Variants in PCDH15 observed in about 807,000 individuals in gnomAD.
PCDH15 encodes protocadherin-15.
A neutral mutation model predicts 178.5 loss-of-function variants in PCDH15; 129 were observed. The observed-to-expected ratio is 0.72, with a 90% CI of 0.63 to 0.84. PCDH15 has a LOEUF of 0.84. Among genes scored for constraint, PCDH15 ranks in the 40% least tolerant of loss-of-function variants. PCDH15 has a pLI of 0.00. For missense variants in PCDH15, 2,230 were observed against 2,099.9 expected (o/e 1.06, Z -1.21); for synonymous variants, 800 against 732.0 (o/e 1.09, Z -1.50).
chr10:54,897,917 G>T (rs1486388238), intron 2 of PCDH15, among the ~76,000 whole-genome samples: 1 of 152,082 alleles, frequency 6.6e-6, no homozygotes, highest in Non-Finnish European at 1.5e-5. Flanking sequence ...TTACACCTGG[G>T]TATTAAAACA....
intron 1 of PCDH15, among the ~76,000 whole-genome samples, chr10:54,754,064 G>C (rs1165320546): frequency 6.6e-6 from 1 of 151,194 alleles, no homozygotes; most frequent in East Asian, 1.9e-4. Context: ...TCCTGACCTC[G>C]TGATCCACCC....
intron 6 of PCDH15, 39 bp downstream of exon 6, chr10:54,346,326 C>T: frequency 6.3e-7 from 1 of 1,594,132 alleles, no homozygotes; most frequent in Non-Finnish European, 8.6e-7. Context: ...AATTTTATTC[C>T]TTTTAAGAAA....
At chr10:55,339,220 A>T (rs1844483628) in intron 2 of PCDH15, among the ~76,000 whole-genome samples, 1 of 152,166 alleles carries the variant, frequency 6.6e-6, no homozygotes, top group African/African-American at 2.4e-5. Context: ...ATTATTACAT[A>T]CTGTATGCCT....
chr10:55,314,564 A>G (rs1843675176), intron 1 of PCDH15, among the ~76,000 whole-genome samples: 1 of 127,604 alleles, frequency 7.8e-6, no homozygotes, highest in African/African-American at 3.5e-5. Context: ...TATATATATT[A>G]CAGAGCTCTC....
At chr10:54,185,393 G>A (rs776843942) in intron 11 of PCDH15, 125 bp from the exon 12 acceptor site, 26 of 1,071,416 alleles carry the variant, frequency 2.4e-5, no homozygotes, top group African/African-American at 4.8e-5. Context: ...AATTTCTAAC[G>A]ATAAAAGATA....
chr10:55,256,784 C>T (rs572699549), intron 1 of PCDH15, among the ~76,000 whole-genome samples: 2 of 152,330 alleles, frequency 1.3e-5, no homozygotes, highest in African/African-American at 2.4e-5. Flanking sequence ...CCTCTGTAGA[C>T]TCCACCTCTG....
chr10:53,823,739 A>T, intron 32 of PCDH15: 1 of 444,030 alleles, frequency 2.3e-6, no homozygotes, highest in Non-Finnish European at 4.3e-6. Context: ...TCCTTGCCTG[A>T]GGATGCTCAG....
intron 8 of PCDH15, among the ~76,000 whole-genome samples, chr10:54,240,972 G>C (rs2055225279): frequency 1.3e-5 from 2 of 152,126 alleles, no homozygotes; most frequent in African/African-American, 4.8e-5. Context: ...GCTCTATGAA[G>C]AGAACAGAAT....
intron 14 of PCDH15, 39 bp downstream of exon 14, chr10:54,153,061 G>C (rs748778466): frequency 6.2e-7 from 1 of 1,605,946 alleles, no homozygotes; most frequent in Non-Finnish European, 8.5e-7. Context: ...GGTTAAACGG[G>C]CCCGATGAAA....
intron 9 of PCDH15, among the ~76,000 whole-genome samples, chr10:54,234,467 C>T (rs149530694): frequency 1.3e-5 from 2 of 152,056 alleles, no homozygotes; most frequent in East Asian, 1.9e-4. Context: ...GTGGGAGGAT[C>T]GCTTGAACCC....
intron 2 of PCDH15, among the ~76,000 whole-genome samples, chr10:55,032,619 C>T (rs941665351): frequency 6.6e-6 from 1 of 152,114 alleles, no homozygotes; most frequent in African/African-American, 2.4e-5. Flanking sequence ...CCCAGGCTGG[C>T]CACATAAACA....
At chr10:55,059,959 T>C (rs1055433674) in intron 2 of PCDH15, among the ~76,000 whole-genome samples, 1 of 149,020 alleles carries the variant, frequency 6.7e-6, no homozygotes, top group Non-Finnish European at 1.5e-5. Context: ...AATGCAAATG[T>C]TTCTGAATGT....
intron 3 of PCDH15, among the ~76,000 whole-genome samples, chr10:54,406,838 C>T (rs1952741385): frequency 6.6e-6 from 1 of 152,090 alleles, no homozygotes; most frequent in Non-Finnish European, 1.5e-5. Context: ...TCTTCATAAC[C>T]TGCTATGAAA....
chr10:55,382,240 T>C (rs1157711707), intron 2 of PCDH15, among the ~76,000 whole-genome samples: 1 of 152,188 alleles, frequency 6.6e-6, no homozygotes, highest in African/African-American at 2.4e-5. Context: ...GGCAGAATAA[T>C]GGTCCCCTAA....
At chr10:53,842,952 G>A (rs981950090) in intron 28 of PCDH15, among the ~76,000 whole-genome samples, 2 of 152,086 alleles carry the variant, frequency 1.3e-5, no homozygotes, top group Non-Finnish European at 2.9e-5. Context: ...GATTAATTGT[G>A]TGTGATCCTA....
intron 2 of PCDH15, among the ~76,000 whole-genome samples, chr10:54,546,147 C>T (rs1026389242): frequency 7.2e-5 from 11 of 152,150 alleles, no homozygotes; most frequent in Non-Finnish European, 1.2e-4. Flanking sequence ...ATGATCTTGC[C>T]GCTGTGGCAT....
chr10:53,942,698 T>G (rs906205364), intron 23 of PCDH15, among the ~76,000 whole-genome samples: 2 of 152,168 alleles, frequency 1.3e-5, no homozygotes, highest in African/African-American at 4.8e-5. Flanking sequence ...AACAACCACA[T>G]GTACTTGGAA....
intron 1 of PCDH15, among the ~76,000 whole-genome samples, chr10:54,765,485 T>A (rs552739111): frequency 6.6e-6 from 1 of 152,110 alleles, no homozygotes; most frequent in Admixed American, 6.5e-5. Context: ...GCAAAAACTT[T>A]TGTCTTTTAT....
intron 1 of PCDH15, among the ~76,000 whole-genome samples, chr10:55,265,329 G>C (rs1466387723): frequency 8.2e-6 from 1 of 121,874 alleles, no homozygotes; most frequent in Admixed American, 8.4e-5. Flanking sequence ...TATATATATA[G>C]ACATAGAGAT....
Sources: allele counts gnomAD v4.1 joint callset (sites outside exome capture counted in the v4.1 genomes callset), GRCh38; gene constraint gnomAD v4.1.1; transcripts MANE v1.5; gene names NCBI Gene and HGNC (gene_info 2026-07-23, HGNC 2026-07-21).